Variants in RNGTT observed in about 807,000 individuals in gnomAD.
RNGTT encodes the protein mRNA-capping enzyme.
A neutral mutation model predicts 79.3 loss-of-function variants in RNGTT; 33 were observed. That is an observed-to-expected ratio of 0.42 (90% confidence interval 0.32 to 0.56). RNGTT has a LOEUF of 0.56. Among genes scored for constraint, RNGTT ranks in the 20% least tolerant of loss-of-function variants. RNGTT has a pLI of 0.17. For missense variants in RNGTT, 497 were observed against 739.1 expected (o/e 0.67, Z 3.80); for synonymous variants, 222 against 235.9 (o/e 0.94, Z 0.54).
chr6:88,958,755 C>T (rs1214037633), intron 1 of RNGTT, among the ~76,000 whole-genome samples: 1 of 152,162 alleles, frequency 6.6e-6, no homozygotes, highest in Non-Finnish European at 1.5e-5. Flanking sequence ...TTTTACACTG[C>T]TGGTGGGAAT....
chr6:88,765,074 C>T (rs1380427876), intron 13 of RNGTT, among the ~76,000 whole-genome samples: 1 of 151,144 alleles, frequency 6.6e-6, no homozygotes, highest in African/African-American at 2.4e-5. Flanking sequence ...CGCCTGTAGT[C>T]AAAGCTACTA....
At chr6:88,646,498 T>A (rs1189069686) in intron 14 of RNGTT, among the ~76,000 whole-genome samples, 3 of 152,216 alleles carry the variant, frequency 2.0e-5, no homozygotes, top group Non-Finnish European at 4.4e-5. Flanking sequence ...ACTGGGTATA[T>A]ACCCAAAGGA....
At chr6:88,740,350 T>G (rs994163494) in intron 13 of RNGTT, among the ~76,000 whole-genome samples, 2 of 151,814 alleles carry the variant, frequency 1.3e-5, no homozygotes, top group Non-Finnish European at 2.9e-5. Context: ...AGACCTCGTC[T>G]CTACAAAAAA....
intron 5 of RNGTT, 52 bp downstream of exon 5, chr6:88,906,313 A>G: frequency 2.4e-6 from 3 of 1,226,404 alleles, no homozygotes; most frequent in Non-Finnish European, 3.4e-6. Flanking sequence ...TAAAATATCA[A>G]TAAAATTTTT....
intron 14 of RNGTT, among the ~76,000 whole-genome samples, chr6:88,634,296 TTCTGCCTCCCTG>T (rs1443918377): frequency 6.6e-6 from 1 of 152,180 alleles, no homozygotes; most frequent in Non-Finnish European, 1.5e-5. Context: ...TAAAGTAAGT[TTCTGCCTCCCTG>T]TCTGCCAGTC....
Position 88,839,216 on chromosome 6 carries a change from A to C in RNGTT, c.1269+5141T>G, listed in dbSNP as rs59207054. On this transcript the variant is annotated intron_variant, in intron 11 of 15. Transcript: ENST00000369485. The stretch of plus-strand genomic sequence containing the variant: ...TGTGTACCTATACTGGAGTGAAGAG[A>C]CTTAAGAGATACTGTCAAGTTTTTT... Among the ~76,000 whole-genome samples the C allele has an allele frequency of 1.9e-3, 289 of 152,278 alleles. 2 individuals are homozygous for C. Among genetic ancestry groups the C allele is most frequent in the African/African-American group, 6.7e-3 (279 of 41,560 alleles).
In RNGTT at chr6:88,662,493, A is replaced by C. The variant is rs138702219; in HGVS notation, c.1506+15860T>G. Reference sequence around the variant, plus strand: ...GGAATCTTTACTTTGGGGAGCTCAGATCATGAGATGCGAGTCTACCAATGC... The same window carrying C: ...GGAATCTTTACTTTGGGGAGCTCAGCTCATGAGATGCGAGTCTACCAATGC... On this transcript the variant is annotated intron_variant, in intron 14 of 15. Coordinates refer to ENST00000369485, the MANE Select transcript of RNGTT (RefSeq NM_003800.5). Among the ~76,000 whole-genome samples, 760 of 152,368 alleles carry C rather than the reference A, an allele frequency of 5.0e-3. 2 individuals carry two copies. The highest frequency in any genetic ancestry group is 8.7e-3 in the Non-Finnish European group (590 of 68,040).
chr6:88,623,315 T>C (rs1772506861), intron 14 of RNGTT, among the ~76,000 whole-genome samples: 2 of 152,024 alleles, frequency 1.3e-5, no homozygotes, highest in African/African-American at 4.8e-5. Context: ...ATTTCCAAGC[T>C]CTTCTTCTTA....
intron 8 of RNGTT, among the ~76,000 whole-genome samples, chr6:88,875,046 T>C (rs1249921055): frequency 6.6e-6 from 1 of 152,146 alleles, no homozygotes; most frequent in Non-Finnish European, 1.5e-5. Flanking sequence ...TCTAGTGTCT[T>C]GTATTGTCTT....
intron 12 of RNGTT, among the ~76,000 whole-genome samples, chr6:88,791,743 G>C (rs1483961358): frequency 1.3e-5 from 2 of 151,850 alleles, no homozygotes; most frequent in Admixed American, 6.6e-5. Context: ...GTTTCACCAC[G>C]TTAGCCAGGA....
chr6:88,851,013 T>C (rs1455551384), intron 9 of RNGTT, among the ~76,000 whole-genome samples: 2 of 152,002 alleles, frequency 1.3e-5, no homozygotes, highest in Non-Finnish European at 2.9e-5. Context: ...AAATCTTTCA[T>C]ATAAGGCTCC....
At chr6:88,886,242 C>A (rs1782854619) in intron 8 of RNGTT, among the ~76,000 whole-genome samples, 1 of 152,182 alleles carries the variant, frequency 6.6e-6, no homozygotes, top group East Asian at 1.9e-4. Flanking sequence ...GCGGGCGGAG[C>A]CTGCAGTAAG....
chr6:88,701,484 CAT>C (rs1423245609), intron 13 of RNGTT, among the ~76,000 whole-genome samples: 4 of 151,940 alleles, frequency 2.6e-5, no homozygotes, highest in South Asian at 4.1e-4. Flanking sequence ...TATTAGTAAG[CAT>C]ATGTTTCTGT....
At chr6:88,705,819 G>A (rs765681729) in intron 13 of RNGTT, among the ~76,000 whole-genome samples, 21 of 152,050 alleles carry the variant, frequency 1.4e-4, no homozygotes, top group Non-Finnish European at 2.9e-4. Flanking sequence ...AAGTTTGGTT[G>A]TTATTATTAT....
chr6:88,845,328 C>T (rs917513405), intron 10 of RNGTT, among the ~76,000 whole-genome samples: 1 of 152,176 alleles, frequency 6.6e-6, no homozygotes, highest in African/African-American at 2.4e-5. Flanking sequence ...CCCTCAAATA[C>T]ACTTTCCCTT....
intron 14 of RNGTT, among the ~76,000 whole-genome samples, chr6:88,643,676 C>G (rs1035016473): frequency 2.6e-5 from 4 of 152,174 alleles, no homozygotes; most frequent in African/African-American, 9.7e-5. Flanking sequence ...TGCAATCAAA[C>G]TAGAACTCAG....
rs1771969387 is a variant in RNGTT, at chr6:88,610,110, C to G, written c.*2609G>C. On this transcript the variant is annotated 3_prime_UTR_variant, in exon 16 of 16. Coordinates refer to ENST00000369485, the MANE Select transcript of RNGTT (RefSeq NM_003800.5). ...ACCCCCCTGTGTCAATCAAATTTCTCAGTTTCTCAGAAAGAAAAATAGAGG... is the reference window on the plus strand; with the variant it reads ...ACCCCCCTGTGTCAATCAAATTTCTGAGTTTCTCAGAAAGAAAAATAGAGG... 6.6e-6 allele frequency among the ~76,000 whole-genome samples: 1 copy of G among 152,138 alleles called. No homozygotes were observed. Among genetic ancestry groups the G allele is most frequent in the African/African-American group, 2.4e-5 (1 of 41,420 alleles).
intron 12 of RNGTT, among the ~76,000 whole-genome samples, chr6:88,791,976 A>G (rs1779438372): frequency 6.6e-6 from 1 of 152,206 alleles, no homozygotes; most frequent in South Asian, 2.1e-4. Context: ...TATTCGAGAA[A>G]ACGGTATTGC....
At chr6:88,771,313 G>GTATATA (rs1250939965) in intron 12 of RNGTT, among the ~76,000 whole-genome samples, 3 of 47,706 alleles carry the variant, frequency 6.3e-5, no homozygotes, top group Admixed American at 2.4e-4. Flanking sequence ...ATGTGTGTGT[G>GTATATA]TGTATATATA....
Sources: gnomAD v4.1 joint callset for allele counts (sites outside exome capture counted in the v4.1 genomes callset) on GRCh38, gnomAD v4.1.1 for gene constraint, MANE v1.5 for transcripts, NCBI Gene and HGNC (gene_info 2026-07-23, HGNC 2026-07-21) for gene names.